The following FGF12 variants were observed in gnomAD, a reference collection of about 807,000 sequenced individuals.
FGF12 encodes the protein fibroblast growth factor 12B.
Under a neutral mutation model 23.6 loss-of-function variants are expected in FGF12, and 14 were observed. That is an observed-to-expected ratio of 0.59 (90% confidence interval 0.39 to 0.93). The LOEUF (loss-of-function observed/expected upper bound fraction) is 0.93. Ranked by LOEUF, FGF12 falls within the 40% of genes least tolerant of loss-of-function variation. The pLI, the probability that FGF12 is intolerant of heterozygous loss-of-function variation, is 0.00. For synonymous variants in FGF12, 62 were observed against 77.3 expected, an observed-to-expected ratio of 0.80 and a Z score of 1.04; for missense variants, 175 against 217.8, an observed-to-expected ratio of 0.80 and a Z score of 1.24.
At position 192,141,612 on chromosome 3, in the gene FGF12, G is replaced by A. The variant is rs1414329399; in HGVS notation, c.*2397C>T. 6.6e-6 allele frequency: 1 copy of A among 152,022 alleles called. No individual in the cohort carries two copies. Among genetic ancestry groups the A allele is most frequent in the Non-Finnish European group, 1.5e-5 (1 of 67,890 alleles). 9.4% of individuals were successfully genotyped at this position (152,022 alleles called of 1,614,324 possible). On this transcript the variant is annotated 3_prime_UTR_variant, in exon 6 of 6. Transcript: ENST00000445105. Reference sequence around the variant, plus strand: ...TTTTCTTAACTGCTATCAGGAAGGAGACAAATGTGAGTCTAGATGATAAAT... The same window carrying A: ...TTTTCTTAACTGCTATCAGGAAGGAAACAAATGTGAGTCTAGATGATAAAT...
At chr3:192,314,419 A>T (rs1577345473) in intron 4 of FGF12, among the ~76,000 whole-genome samples, 1 of 152,196 alleles carries the variant, frequency 6.6e-6, no homozygotes, top group East Asian at 1.9e-4. Context: ...TTCTGGGAAG[A>T]TGTTAGCTTT....
At chr3:192,561,911 GAAAA>G in intron 2 of FGF12, among the ~76,000 whole-genome samples, 1 of 94,088 alleles carries the variant, frequency 1.1e-5, no homozygotes, top group South Asian at 3.6e-4. Flanking sequence ...TAATAATAAA[GAAAA>G]AAAGAAAGAA....
At chr3:192,485,596 C>T (rs1723610900) in intron 2 of FGF12, among the ~76,000 whole-genome samples, 1 of 152,084 alleles carries the variant, frequency 6.6e-6, no homozygotes, top group Non-Finnish European at 1.5e-5. Flanking sequence ...GTAATGCTGT[C>T]TTATTAACTG....
At chr3:192,181,225 G>A (rs1479101741) in intron 4 of FGF12, among the ~76,000 whole-genome samples, 1 of 152,088 alleles carries the variant, frequency 6.6e-6, no homozygotes, top group Admixed American at 6.6e-5. Flanking sequence ...GCCTCACTAA[G>A]CAAAGAGGGC....
intron 5 of FGF12, among the ~76,000 whole-genome samples, chr3:192,158,238 C>T (rs563538059): frequency 6.6e-6 from 1 of 152,156 alleles, no homozygotes; most frequent in Non-Finnish European, 1.5e-5. Context: ...ACACCTTCCC[C>T]TTGTACCTCA....
intron 2 of FGF12, among the ~76,000 whole-genome samples, chr3:192,390,591 A>G (rs1187777734): frequency 9.2e-5 from 14 of 152,192 alleles, no homozygotes; most frequent in Non-Finnish European, 1.9e-4. Context: ...GGGATGAAGA[A>G]AAGGTTATAT....
chr3:192,483,511 C>T (rs1723540048), intron 2 of FGF12, among the ~76,000 whole-genome samples: 4 of 152,012 alleles, frequency 2.6e-5, no homozygotes, highest in Admixed American at 1.3e-4. Flanking sequence ...CCTCAAGATG[C>T]TAAAATGAGA....
intron 2 of FGF12, among the ~76,000 whole-genome samples, chr3:192,486,920 T>C (rs1723652150): frequency 6.6e-6 from 1 of 152,150 alleles, no homozygotes; most frequent in Non-Finnish European, 1.5e-5. Context: ...ATGTTTTAAT[T>C]TGAGTTGCCA....
intron 3 of FGF12, among the ~76,000 whole-genome samples, chr3:192,358,860 G>A (rs923447329): frequency 6.6e-6 from 1 of 152,082 alleles, no homozygotes; most frequent in Non-Finnish European, 1.5e-5. Context: ...GATGCTGACA[G>A]GGATGTTGAT....
intron 2 of FGF12, among the ~76,000 whole-genome samples, chr3:192,418,320 C>G (rs139833545): frequency 1.3e-5 from 2 of 152,230 alleles, no homozygotes; most frequent in Admixed American, 6.5e-5. Flanking sequence ...AGCTGTATCT[C>G]TGGGGTGAGT....
intron 4 of FGF12, chr3:192,267,033 A>G (rs1296729087): frequency 1.3e-5 from 2 of 152,200 alleles, no homozygotes; most frequent in African/African-American, 2.4e-5. Context: ...CAGATGTTTC[A>G]TGCTAATTTA....
At position 192,489,867 on chromosome 3, in the gene FGF12, T is replaced by C. The variant is rs368231386; in HGVS notation, c.14-129329A>G. Among the ~76,000 whole-genome samples the C allele has an allele frequency of 6.6e-5, 10 of 151,876 alleles. No homozygotes were observed. In the East Asian group the frequency reaches 1.9e-3, roughly 29 times the overall value. On this transcript the variant is annotated intron_variant, in intron 2 of 5. Coordinates refer to ENST00000445105, the MANE Select transcript of FGF12 (RefSeq NM_004113.6). ...GGAAGAGGGAGAGGATCAGGAAAAA[T>C]AACTAATGGGTAACAGGCTTAATAC...
chr3:192,634,439 G>C (rs1715506285), intron 2 of FGF12, among the ~76,000 whole-genome samples: 1 of 152,164 alleles, frequency 6.6e-6, no homozygotes, highest in Admixed American at 6.5e-5. Flanking sequence ...TATACAGGGA[G>C]GATGTGCATA....
chr3:192,588,384 A>G lies in FGF12; in HGVS notation c.13+138797T>C, dbSNP rs1188249575. On this transcript the variant is annotated intron_variant, in intron 2 of 5. Transcript: ENST00000445105. ...AAAAAAAAAGAAAAAAAGAAAAAAA[A>G]AATTCAGCATCTGGATAAAAAATTA... 2.0e-5 allele frequency among the ~76,000 whole-genome samples: 3 copies of G among 150,514 alleles called. 1 individual carries two copies. In the South Asian group the frequency reaches 6.4e-4, roughly 32 times the overall value.
intron 4 of FGF12, among the ~76,000 whole-genome samples, chr3:192,234,408 G>A (rs1174172730): frequency 6.6e-6 from 1 of 152,200 alleles, no homozygotes; most frequent in Admixed American, 6.5e-5. Flanking sequence ...CTTTACTGAA[G>A]TTGTTTGTCA....
intron 2 of FGF12, among the ~76,000 whole-genome samples, chr3:192,664,869 C>T (rs1358592288): frequency 4.6e-5 from 7 of 152,126 alleles, no homozygotes; most frequent in African/African-American, 1.2e-4. Context: ...TACAAATTGA[C>T]GTAATGTCTA....
chr3:192,681,735 G>T (rs1283850050), intron 2 of FGF12, among the ~76,000 whole-genome samples: 1 of 143,998 alleles, frequency 6.9e-6, no homozygotes, highest in Non-Finnish European at 1.5e-5. Flanking sequence ...TTGCTTTACA[G>T]ATGGGCATAC....
intron 2 of FGF12, among the ~76,000 whole-genome samples, chr3:192,583,095 T>C (rs1490186804): frequency 6.6e-6 from 1 of 152,224 alleles, no homozygotes; most frequent in Admixed American, 6.5e-5. Context: ...TTAGTTCTCA[T>C]TCATTTCTCC....
intron 2 of FGF12, among the ~76,000 whole-genome samples, chr3:192,369,904 G>A (rs971114911): frequency 6.6e-6 from 1 of 152,188 alleles, no homozygotes; most frequent in Non-Finnish European, 1.5e-5. Context: ...AATTTTACCT[G>A]GGATGGCAGG....
Sources: gnomAD v4.1 joint callset for allele counts (sites outside exome capture counted in the v4.1 genomes callset) on GRCh38, gnomAD v4.1.1 for gene constraint, MANE v1.5 for transcripts, NCBI Gene and HGNC (gene_info 2026-07-23, HGNC 2026-07-21) for gene names.